SIAH1: variants seen among roughly 807,000 people sequenced by gnomAD.
SIAH1 encodes siah E3 ubiquitin protein ligase 1, also known as E3 ubiquitin-protein ligase SIAH1.
SIAH1 carries 2 observed loss-of-function variants against 20.0 expected under a neutral mutation model. The observed-to-expected ratio is 0.10, with a 90% confidence interval of 0.04 to 0.31. The LOEUF (loss-of-function observed/expected upper bound fraction) is 0.31, where lower values mean the gene tolerates loss of function less well. SIAH1 is among the 10% of genes least tolerant of loss of function. The pLI, the probability that SIAH1 is intolerant of heterozygous loss-of-function variation, is 1.00. For missense variants in SIAH1, 119 were observed against 355.3 expected (o/e 0.33, Z 5.35); for synonymous variants, 118 against 125.3 (o/e 0.94, Z 0.39).
chr16:48,374,283 AT>A (rs1961049717), intron 1 of SIAH1, among the ~76,000 whole-genome samples: 1 of 152,226 alleles, frequency 6.6e-6, no homozygotes, highest in African/African-American at 2.4e-5. Context: ...TCCAATAAAT[AT>A]TTTTTGGATG....
chr16:48,382,089 ATT>A (rs1233589765), intron 1 of SIAH1, among the ~76,000 whole-genome samples: 1 of 152,182 alleles, frequency 6.6e-6, no homozygotes, highest in African/African-American at 2.4e-5. Flanking sequence ...AGGCAAAAAG[ATT>A]GGAGGCCAGG....
chr16:48,367,922 T>C (rs958082117), intron 1 of SIAH1, among the ~76,000 whole-genome samples: 1 of 152,124 alleles, frequency 6.6e-6, no homozygotes, highest in Non-Finnish European at 1.5e-5. Context: ...CCAAGCCCAG[T>C]TTGGTATATA....
chr16:48,369,060 A>G lies in SIAH1; in HGVS notation c.-2-6630T>C, dbSNP rs377739182. ...ATTTGAAGACTTACTTGCTTCTTAC[A>G]CAATGACAAAATCAAAGCAAGTCTC... On this transcript the variant is annotated intron_variant, in intron 1 of 1. Transcript: ENST00000394725. 3.9e-5 allele frequency among the ~76,000 whole-genome samples: 6 copies of G among 152,358 alleles called. No homozygotes were observed. The South Asian group carries it at 6.2e-4, about 16-fold the overall frequency.
intron 1 of SIAH1, among the ~76,000 whole-genome samples, chr16:48,383,654 T>C (rs1181034145): frequency 6.6e-6 from 1 of 152,256 alleles, no homozygotes; most frequent in Middle Eastern, 3.2e-3. Context: ...AATTTGATTT[T>C]TTTTAATCAC....
rs1960618465 is a variant in SIAH1 at position 48,362,112 on chromosome 16, T to C, written c.317A>G (p.Glu106Gly). 1 of 1,614,054 alleles carries C rather than the reference T, an allele frequency of 6.2e-7. No homozygotes were observed. The change falls in exon 2 of 2, where the codon GAA becomes GGA. Residue 106 changes from glutamate (E) to glycine (G), a missense_variant. Physicochemically the swap from Glu to Gly is moderately conservative, Grantham distance 98. Coordinates refer to ENST00000394725, the MANE Select transcript of SIAH1 (RefSeq NM_003031.4). The surrounding 1 kb of genome is among the most constrained non-coding windows in gnomAD (Gnocchi z 4.2). ...TTTTTCTGTGTGTGGCAGAGTTATT[T>C]CACATCCAGAAGACGCATATTTACA... is the stretch of plus-strand genomic sequence containing the variant. ...FPCKYASSGC[E>G]ITLPHTEKAD...
intron 1 of SIAH1, among the ~76,000 whole-genome samples, chr16:48,372,634 T>C (rs1961013491): frequency 6.6e-6 from 1 of 152,206 alleles, no homozygotes; most frequent in Admixed American, 6.5e-5. Context: ...AAATAATTCA[T>C]TTGTGTGAAG....
At chr16:48,364,725 G>A (rs544563689) in intron 1 of SIAH1, 1 of 152,432 alleles carries the variant, frequency 6.6e-6, no homozygotes, top group East Asian at 1.9e-4. Flanking sequence ...TATGCCTACT[G>A]CATGGTCCAG....
At chr16:48,368,409 A>C (rs930847767) in intron 1 of SIAH1, among the ~76,000 whole-genome samples, 13 of 152,238 alleles carry the variant, frequency 8.5e-5, no homozygotes, top group African/African-American at 2.7e-4. Flanking sequence ...ACAACAACAA[A>C]AAACAGCTGG....
At chr16:48,371,717 T>C (rs1037886509) in intron 1 of SIAH1, among the ~76,000 whole-genome samples, 2 of 152,254 alleles carry the variant, frequency 1.3e-5, no homozygotes, top group Non-Finnish European at 2.9e-5. Context: ...TCAGTCTTGA[T>C]TACAAACTAA....
At position 48,378,985 on chromosome 16, in the gene SIAH1, T is replaced by C. The variant is rs556522129; in HGVS notation, c.-3+6219A>G. Among the ~76,000 whole-genome samples, 3 of 152,368 alleles carry C rather than the reference T, an allele frequency of 2.0e-5. No homozygotes were observed. The East Asian group carries it at 5.8e-4, about 29-fold the overall frequency. ...ACAATTTGTAATTCTGTTTCTTTCT[T>C]TCCTCACTAGAAGGTAAGTGGTAAT... is the stretch of plus-strand genomic sequence containing the variant. On this transcript the variant is annotated intron_variant, in intron 1 of 1. Transcript: ENST00000394725.
At chr16:48,364,105 A>G (rs1414417783) in intron 1 of SIAH1, among the ~76,000 whole-genome samples, 1 of 151,762 alleles carries the variant, frequency 6.6e-6, no homozygotes, top group African/African-American at 2.4e-5. Flanking sequence ...GCCCGCCACC[A>G]TGCCCGACTA....
At chr16:48,372,924 C>G (rs984760448) in intron 1 of SIAH1, among the ~76,000 whole-genome samples, 14 of 152,166 alleles carry the variant, frequency 9.2e-5, no homozygotes, top group Admixed American at 5.9e-4. Context: ...TTTGAACTGT[C>G]AGCAACACCT....
In SIAH1 at chr16:48,362,435, A is replaced by C. The variant is rs1164810949; in HGVS notation, c.-2-5T>G. ...TAGCAGTCTGACGGCTCATTTCTGA[A>C]ATAAATACATAAGGAGGCAGGAGAA... On this transcript the variant is annotated splice_polypyrimidine_tract_variant and splice_region_variant and intron_variant, in intron 1 of 1. Coordinates refer to ENST00000394725, the MANE Select transcript of SIAH1 (RefSeq NM_003031.4). The surrounding 1 kb of genome is among the most constrained non-coding windows in gnomAD (Gnocchi z 4.2). 1 of 1,613,820 alleles carries C rather than the reference A, an allele frequency of 6.2e-7. No homozygotes were observed. Among genetic ancestry groups the C allele is most frequent in the East Asian group, 2.2e-5 (1 of 44,878 alleles).
At chr16:48,370,053 C>G (rs1355086709) in intron 1 of SIAH1, among the ~76,000 whole-genome samples, 2 of 152,226 alleles carry the variant, frequency 1.3e-5, no homozygotes, top group South Asian at 2.1e-4. Context: ...CTGTCTTCTG[C>G]TATTCAATGA....
At chr16:48,383,877 G>A (rs1388493553) in intron 1 of SIAH1, among the ~76,000 whole-genome samples, 2 of 152,154 alleles carry the variant, frequency 1.3e-5, no homozygotes, top group Admixed American at 1.3e-4. Flanking sequence ...AGAAAACCTC[G>A]TAAGTTTAGC....
chr16:48,363,371 C>T (rs1441607276), intron 1 of SIAH1: 2 of 167,100 alleles, frequency 1.2e-5, no homozygotes, highest in Non-Finnish European at 2.9e-5. Flanking sequence ...TTATTTCCTA[C>T]TGATCAGTGC....
At chr16:48,383,131 C>T (rs1031240492) in intron 1 of SIAH1, among the ~76,000 whole-genome samples, 1 of 152,066 alleles carries the variant, frequency 6.6e-6, no homozygotes, top group Admixed American at 6.6e-5. Context: ...TTGTGGAATA[C>T]TTATCCTGAA....
intron 1 of SIAH1, among the ~76,000 whole-genome samples, chr16:48,379,770 G>A (rs1320845853): frequency 6.6e-6 from 1 of 152,146 alleles, no homozygotes; most frequent in East Asian, 1.9e-4. Flanking sequence ...AATGTGCAGA[G>A]TTCACAAAGA....
chr16:48,383,629 G>T (rs1480543260), intron 1 of SIAH1, among the ~76,000 whole-genome samples: 1 of 152,136 alleles, frequency 6.6e-6, no homozygotes, highest in Non-Finnish European at 1.5e-5. Flanking sequence ...GCTAAGAGAA[G>T]ACCTCATTTT....
Sources: allele counts gnomAD v4.1 joint callset (sites outside exome capture counted in the v4.1 genomes callset), GRCh38; gene constraint gnomAD v4.1.1; non-coding constraint Gnocchi (gnomAD v3.1); transcripts MANE v1.5; gene names NCBI Gene and HGNC (gene_info 2026-07-23, HGNC 2026-07-21).